The following LSAMP variants were observed in gnomAD, a reference collection of about 807,000 sequenced individuals.
The protein encoded by LSAMP is limbic system-associated membrane protein.
A neutral mutation model predicts 38.6 loss-of-function variants in LSAMP; 7 were observed. The ratio of observed to expected loss-of-function variants is 0.18; its 90% CI spans 0.10 to 0.34. The LOEUF is 0.34. Among genes scored for constraint, LSAMP ranks in the 10% least tolerant of loss-of-function variants. The probability of loss-of-function intolerance (pLI) is 1.00; values close to 1 mark genes in which losing one functional copy is unlikely to be tolerated. For missense variants in LSAMP, 313 were observed against 420.0 expected, an observed-to-expected ratio of 0.75 and a Z score of 2.23; for synonymous variants, 154 against 166.8, an observed-to-expected ratio of 0.92 and a Z score of 0.59.
chr3:115,976,482 T>G (rs1056715072), intron 3 of LSAMP, among the ~76,000 whole-genome samples: 2 of 152,306 alleles, frequency 1.3e-5, no homozygotes, highest in Non-Finnish European at 2.9e-5. Flanking sequence ...ATCATCACTG[T>G]GAAGGGACTT....
intron 3 of LSAMP, among the ~76,000 whole-genome samples, chr3:115,879,705 T>A (rs1389903693): frequency 6.6e-6 from 1 of 152,170 alleles, no homozygotes; most frequent in South Asian, 2.1e-4. Context: ...AATTGGCTAA[T>A]TGGCTAAGCC....
At chr3:116,293,056 C>T (rs1264744442) in intron 1 of LSAMP, among the ~76,000 whole-genome samples, 1 of 152,188 alleles carries the variant, frequency 6.6e-6, no homozygotes, top group Non-Finnish European at 1.5e-5. Context: ...CATTTTAACA[C>T]CTTCACCCTA....
intron 3 of LSAMP, among the ~76,000 whole-genome samples, chr3:115,881,823 G>A (rs1936331445): frequency 6.6e-6 from 1 of 152,114 alleles, no homozygotes; most frequent in South Asian, 2.1e-4. Flanking sequence ...GATTATTGCA[G>A]TAGATGCCTT....
intron 1 of LSAMP, among the ~76,000 whole-genome samples, chr3:116,251,434 C>G (rs2046683784): frequency 6.6e-6 from 1 of 152,116 alleles, no homozygotes; most frequent in Admixed American, 6.5e-5. Context: ...TCATGGGAGC[C>G]AAGGCCACCC....
Position 116,227,516 on chromosome 3 carries a change from G to A in LSAMP, c.156-140960C>T, listed in dbSNP as rs2126144. On this transcript the variant is annotated intron_variant, in intron 1 of 6. Coordinates refer to ENST00000490035, the MANE Select transcript of LSAMP (RefSeq NM_002338.5). The stretch of plus-strand genomic sequence containing the variant: ...TCAATGAGTATAGCTTACATCCAAA[G>A]TCCAGCTTTAATCTGCTTAACTGAT... Among the ~76,000 whole-genome samples, 369 of 152,238 alleles carry A rather than the reference G, an allele frequency of 2.4e-3. 1 individual carries two copies. Among genetic ancestry groups the A allele is most frequent in the African/African-American group, 8.4e-3 (350 of 41,550 alleles).
intron 1 of LSAMP, among the ~76,000 whole-genome samples, chr3:116,235,300 G>A (rs1176742824): frequency 1.3e-5 from 2 of 152,014 alleles, no homozygotes; most frequent in South Asian, 4.1e-4. Context: ...ATATTTTGTA[G>A]AGACAGGAGC....
chr3:116,089,789 GA>G (rs571515378), intron 1 of LSAMP, among the ~76,000 whole-genome samples: 1 of 150,890 alleles, frequency 6.6e-6, no homozygotes, highest in Non-Finnish European at 1.5e-5. Flanking sequence ...TATCTCAATG[GA>G]AAAAAAATAA....
intron 1 of LSAMP, among the ~76,000 whole-genome samples, chr3:116,385,357 A>T (rs1423986698): frequency 6.6e-6 from 1 of 152,178 alleles, no homozygotes; most frequent in East Asian, 1.9e-4. Context: ...TTAGAACACA[A>T]ATAGTAAGGT....
chr3:116,359,289 G>C (rs1458581988), intron 1 of LSAMP, among the ~76,000 whole-genome samples: 3 of 152,118 alleles, frequency 2.0e-5, no homozygotes, highest in Non-Finnish European at 4.4e-5. Flanking sequence ...TATAAGTTTT[G>C]TATGTGATAC....
At chr3:116,078,785 T>G (rs1707807743) in intron 2 of LSAMP, among the ~76,000 whole-genome samples, 1 of 152,200 alleles carries the variant, frequency 6.6e-6, no homozygotes, top group East Asian at 1.9e-4. Context: ...TTTTTTTGAG[T>G]ACATTCTTAC....
At chr3:116,417,376 C>A (rs1236547267) in intron 1 of LSAMP, among the ~76,000 whole-genome samples, 1 of 152,174 alleles carries the variant, frequency 6.6e-6, no homozygotes, top group Non-Finnish European at 1.5e-5. Flanking sequence ...AGGGGCTATG[C>A]TGTCCATGCT....
intron 1 of LSAMP, among the ~76,000 whole-genome samples, chr3:116,309,830 T>G (rs79859810): frequency 0.039 from 5,894 of 152,278 alleles, 380 homozygotes; most frequent in African/African-American, 0.14. Flanking sequence ...GCCAAAGACA[T>G]GGACTAGTGC....
intron 3 of LSAMP, among the ~76,000 whole-genome samples, chr3:115,915,783 C>G (rs909377534): frequency 2.6e-5 from 4 of 152,096 alleles, no homozygotes; most frequent in African/African-American, 9.7e-5. Flanking sequence ...TAGGCACGCA[C>G]CACCACGCCC....
chr3:115,982,353 G>T (rs1355776134), intron 3 of LSAMP, among the ~76,000 whole-genome samples: 2 of 152,158 alleles, frequency 1.3e-5, no homozygotes, highest in Non-Finnish European at 2.9e-5. Context: ...TCTCTACCTA[G>T]TTTAGTAACA....
intron 3 of LSAMP, among the ~76,000 whole-genome samples, chr3:115,936,850 C>G (rs1415921426): frequency 6.6e-6 from 1 of 152,074 alleles, no homozygotes; most frequent in Admixed American, 6.6e-5. Flanking sequence ...AGAATTCTGA[C>G]TCTAGGAAGT....
chr3:116,374,267 A>G (rs2048466961), intron 1 of LSAMP, among the ~76,000 whole-genome samples: 1 of 151,948 alleles, frequency 6.6e-6, no homozygotes, highest in South Asian at 2.1e-4. Flanking sequence ...ATAAAATCAC[A>G]TTCAGTTGTA....
chr3:115,974,360 A>T (rs1444411130), intron 3 of LSAMP, among the ~76,000 whole-genome samples: 1 of 152,108 alleles, frequency 6.6e-6, no homozygotes, highest in East Asian at 1.9e-4. Flanking sequence ...AATAATAATG[A>T]TAAAATAAAA....
intron 3 of LSAMP, among the ~76,000 whole-genome samples, chr3:115,920,381 C>T (rs1461932995): frequency 1.3e-5 from 2 of 152,026 alleles, no homozygotes; most frequent in African/African-American, 4.8e-5. Context: ...CTCTCTCTCT[C>T]TTTTTTTAAT....
intron 1 of LSAMP, among the ~76,000 whole-genome samples, chr3:116,357,164 T>C (rs989663659): frequency 4.6e-5 from 7 of 152,292 alleles, no homozygotes; most frequent in South Asian, 2.1e-4. Context: ...AGCAAGATCA[T>C]TGAATTGCCA....
Sources: allele counts gnomAD v4.1 joint callset (sites outside exome capture counted in the v4.1 genomes callset), GRCh38; gene constraint gnomAD v4.1.1; transcripts MANE v1.5; gene names NCBI Gene and HGNC (gene_info 2026-07-23, HGNC 2026-07-21).